MAPK10: variants seen among roughly 807,000 people sequenced by gnomAD.
MAPK10 encodes the protein JNK3 alpha protein kinase.
A neutral mutation model predicts 59.3 loss-of-function variants in MAPK10; 25 were observed. The ratio of observed to expected loss-of-function variants is 0.42; its 90% CI spans 0.31 to 0.59. The LOEUF is 0.59. Among genes scored for constraint, MAPK10 ranks in the 20% least tolerant of loss-of-function variants. The pLI is 0.15. For synonymous variants in MAPK10, 190 were observed against 200.5 expected (o/e 0.95, Z 0.44); for missense variants, 351 against 568.9 (o/e 0.62, Z 3.90).
intron 1 of MAPK10, among the ~76,000 whole-genome samples, chr4:86,378,881 G>A (rs1411352352): frequency 6.6e-6 from 1 of 152,188 alleles, no homozygotes; most frequent in Non-Finnish European, 1.5e-5. Flanking sequence ...AAACTGTAAA[G>A]AGAAATAAGG....
chr4:86,393,388 TA>T (rs1334430008), intron 1 of MAPK10, among the ~76,000 whole-genome samples: 3 of 152,092 alleles, frequency 2.0e-5, no homozygotes, highest in African/African-American at 7.2e-5. Flanking sequence ...AAAAGTCTAT[TA>T]AAGAATCAAG....
At chr4:86,540,819 TG>T (rs1175570904) in intron 1 of MAPK10, among the ~76,000 whole-genome samples, 2 of 151,966 alleles carry the variant, frequency 1.3e-5, no homozygotes, top group African/African-American at 2.4e-5. Context: ...GAAGGTACTT[TG>T]GGGTAGGCGT....
intron 2 of MAPK10, among the ~76,000 whole-genome samples, chr4:86,198,905 C>A (rs924705470): frequency 6.6e-6 from 1 of 151,028 alleles, no homozygotes; most frequent in Non-Finnish European, 1.5e-5. Flanking sequence ...TAAATAAAAC[C>A]CAAAAAATTG....
At position 86,025,272 on chromosome 4, in the gene MAPK10, A is replaced by T. The variant is rs993967536; in HGVS notation, c.1252+3925T>A. On this transcript the variant is annotated intron_variant, in intron 13 of 13. Coordinates refer to ENST00000641462, the MANE Select transcript of MAPK10 (RefSeq NM_138982.4). ...GTTGTTAAATGTTAACCAGTCCACC[A>T]CTATTAGATGAAAACTATTTGCTTC... 28 of 375,876 alleles carry T rather than the reference A, an allele frequency of 7.4e-5. No individual in the cohort carries two copies. In the Admixed American group the frequency reaches 8.6e-4, roughly 12 times the overall value. 23.3% of individuals were successfully genotyped at this position (375,876 alleles called of 1,614,324 possible).
chr4:86,337,851 G>A (rs2148930433), intron 2 of MAPK10, among the ~76,000 whole-genome samples: 1 of 152,170 alleles, frequency 6.6e-6, no homozygotes, highest in Middle Eastern at 3.4e-3. Flanking sequence ...CTATCAGACT[G>A]GTCATTTTTT....
intron 9 of MAPK10, among the ~76,000 whole-genome samples, chr4:86,087,562 T>A (rs1486177065): frequency 6.6e-6 from 1 of 152,114 alleles, no homozygotes; most frequent in Non-Finnish European, 1.5e-5. Flanking sequence ...ATAAAATGTA[T>A]ATTTAGAAGA....
intron 1 of MAPK10, among the ~76,000 whole-genome samples, chr4:86,461,926 G>A (rs1241726385): frequency 6.6e-6 from 1 of 152,154 alleles, no homozygotes; most frequent in Non-Finnish European, 1.5e-5. Context: ...TTCCCTGTTA[G>A]CATACACCCC....
intron 2 of MAPK10, among the ~76,000 whole-genome samples, chr4:86,226,375 A>G (rs1315953497): frequency 1.3e-5 from 2 of 152,214 alleles, no homozygotes; most frequent in Admixed American, 1.3e-4. Flanking sequence ...TAAAATCCTT[A>G]GATGATGCTA....
intron 4 of MAPK10, among the ~76,000 whole-genome samples, chr4:86,122,449 T>C (rs1360034952): frequency 6.6e-6 from 1 of 152,124 alleles, no homozygotes; most frequent in Non-Finnish European, 1.5e-5. Context: ...GCTGTGACTG[T>C]GCTTTGTCTT....
chr4:86,222,700 T>C (rs1205763375), intron 2 of MAPK10, among the ~76,000 whole-genome samples: 2 of 152,250 alleles, frequency 1.3e-5, no homozygotes. Context: ...GTCCAGCCTC[T>C]TCCTACTGAA....
At chr4:86,333,807 A>C (rs2096210532) in intron 2 of MAPK10, among the ~76,000 whole-genome samples, 1 of 152,172 alleles carries the variant, frequency 6.6e-6, no homozygotes, top group Non-Finnish European at 1.5e-5. Context: ...CCAACCTCTC[A>C]AGAAGATTAA....
intron 1 of MAPK10, among the ~76,000 whole-genome samples, chr4:86,412,485 T>C (rs897183623): frequency 1.3e-5 from 2 of 152,250 alleles, no homozygotes; most frequent in African/African-American, 4.8e-5. Flanking sequence ...GATAATATCC[T>C]GAAGAGTGTT....
At chr4:86,152,289 TGAA>T (rs1444346432) in intron 4 of MAPK10, 2 of 152,198 alleles carry the variant, frequency 1.3e-5, no homozygotes, top group African/African-American at 2.4e-5. Context: ...AGAATAGAAA[TGAA>T]GAAGAGCACA....
At chr4:86,083,905 C>T (rs149799832) in intron 9 of MAPK10, among the ~76,000 whole-genome samples, 109 of 152,266 alleles carry the variant, frequency 7.2e-4, no homozygotes, top group African/African-American at 2.6e-3. Context: ...GTGAGGCCTC[C>T]CTTCCAGGCC....
At chr4:86,567,395 T>C (rs1469896174) in intron 1 of MAPK10, among the ~76,000 whole-genome samples, 2 of 152,144 alleles carry the variant, frequency 1.3e-5, no homozygotes, top group Non-Finnish European at 1.5e-5. Flanking sequence ...TAATTTTGTA[T>C]TGTTAGTAGA....
At chr4:86,262,744 C>T (rs1402823395) in intron 2 of MAPK10, among the ~76,000 whole-genome samples, 1 of 152,174 alleles carries the variant, frequency 6.6e-6, no homozygotes, top group African/African-American at 2.4e-5. Context: ...TGATCCTAAT[C>T]CAGCTATTCA....
At chr4:86,364,097 A>ATTGTTG (rs66851270), upstream of MAPK10, among the ~76,000 whole-genome samples, 4 of 149,688 alleles carry the variant, frequency 2.7e-5, no homozygotes, top group Non-Finnish European at 5.9e-5. Flanking sequence ...GAAACTCTTT[A>ATTGTTG]TTGTTGTTGT....
chr4:86,171,218 T>A (rs1161066011), intron 3 of MAPK10: 10 of 151,742 alleles, frequency 6.6e-5, no homozygotes, highest in East Asian at 3.9e-4. Flanking sequence ...AAGAAATAAC[T>A]AAAATCAGAG....
intron 1 of MAPK10, among the ~76,000 whole-genome samples, chr4:86,459,710 G>C (rs980360518): frequency 6.6e-6 from 1 of 152,188 alleles, no homozygotes; most frequent in African/African-American, 2.4e-5. Flanking sequence ...TGGGAGCTAA[G>C]CTATGAGGAT....
Sources: gnomAD v4.1 joint callset for allele counts (sites outside exome capture counted in the v4.1 genomes callset) on GRCh38, gnomAD v4.1.1 for gene constraint, MANE v1.5 for transcripts, NCBI Gene and HGNC (gene_info 2026-07-23, HGNC 2026-07-21) for gene names.